The following RIMS1 variants were observed in gnomAD, a reference collection of about 807,000 sequenced individuals.
The protein encoded by RIMS1 is regulating synaptic membrane exocytosis 1.
Under a neutral mutation model 214.1 loss-of-function variants are expected in RIMS1, and 83 were observed. The ratio of observed to expected loss-of-function variants is 0.39; its 90% CI spans 0.32 to 0.47. The LOEUF (loss-of-function observed/expected upper bound fraction) is 0.47. Ranked by LOEUF, RIMS1 falls within the 20% of genes least tolerant of loss-of-function variation. RIMS1 has a pLI of 0.99. For synonymous variants in RIMS1, 793 were observed against 786.8 expected (o/e 1.01, Z -0.13); for missense variants, 2,050 against 2,161.8 (o/e 0.95, Z 1.03).
At chr6:72,285,599 G>A (rs1311596085) in intron 24 of RIMS1, among the ~76,000 whole-genome samples, 1 of 152,138 alleles carries the variant, frequency 6.6e-6, no homozygotes, top group Non-Finnish European at 1.5e-5. Flanking sequence ...GGATACAGGG[G>A]ACTCATGAAA....
chr6:72,085,228 C>T (rs1389143387), intron 2 of RIMS1, among the ~76,000 whole-genome samples: 1 of 152,058 alleles, frequency 6.6e-6, no homozygotes. Context: ...TTTTTAGATA[C>T]AAACTGATAA....
At chr6:72,252,899 G>T in intron 16 of RIMS1, 67 bp downstream of exon 16, 3 of 1,206,910 alleles carry the variant, frequency 2.5e-6, no homozygotes, top group Non-Finnish European at 3.6e-6. Flanking sequence ...GTCAGCTTCC[G>T]GACCTCTTTA....
intron 6 of RIMS1, among the ~76,000 whole-genome samples, chr6:72,184,559 GT>G (rs1562522840): frequency 1.3e-5 from 2 of 152,182 alleles, no homozygotes; most frequent in African/African-American, 2.4e-5. Flanking sequence ...CAGAAGGATA[GT>G]CAAGGACCTA....
intron 4 of RIMS1, among the ~76,000 whole-genome samples, chr6:72,147,328 G>A (rs1430208977): frequency 1.3e-5 from 2 of 152,136 alleles, no homozygotes; most frequent in African/African-American, 4.8e-5. Context: ...GTAGTTGTAA[G>A]ATTTTTCATT....
chr6:72,088,065 A>G (rs1835127684), intron 2 of RIMS1, among the ~76,000 whole-genome samples: 1 of 152,126 alleles, frequency 6.6e-6, no homozygotes, highest in African/African-American at 2.4e-5. Flanking sequence ...TTCATCTTCA[A>G]CATCATCTCA....
chr6:72,161,753 C>T (rs929840171), intron 4 of RIMS1, among the ~76,000 whole-genome samples: 20 of 140,744 alleles, frequency 1.4e-4, no homozygotes, highest in African/African-American at 4.4e-4. Context: ...GTCTGAGAGA[C>T]AGTTTGTTGT....
At chr6:72,360,438 G>A (rs2097778583) in intron 29 of RIMS1, among the ~76,000 whole-genome samples, 1 of 152,032 alleles carries the variant, frequency 6.6e-6, no homozygotes, top group Admixed American at 6.6e-5. Context: ...ATCTGTATTT[G>A]TGAGAAAATG....
At chr6:72,036,309 A>C (rs1022749484) in intron 2 of RIMS1, among the ~76,000 whole-genome samples, 2 of 152,054 alleles carry the variant, frequency 1.3e-5, no homozygotes, top group Non-Finnish European at 2.9e-5. Context: ...GAAAGGCAAG[A>C]CTCTCCTGGT....
chr6:72,163,942 C>T (rs2045870025), intron 4 of RIMS1, among the ~76,000 whole-genome samples: 1 of 152,152 alleles, frequency 6.6e-6, no homozygotes, highest in South Asian at 2.1e-4. Flanking sequence ...ATTTAAGTCT[C>T]CAGAGGTTTC....
chr6:72,335,813 CT>C (rs1196732061), intron 29 of RIMS1, among the ~76,000 whole-genome samples: 1 of 151,942 alleles, frequency 6.6e-6, no homozygotes, highest in East Asian at 1.9e-4. Flanking sequence ...TTGCATTTCT[CT>C]AATGACCAGT....
At chr6:72,114,689 T>C (rs9350452) in intron 4 of RIMS1, among the ~76,000 whole-genome samples, 60,423 of 151,616 alleles carry the variant, frequency 0.4, 12,460 homozygotes, top group Admixed American at 0.45. Flanking sequence ...GAATGAATGG[T>C]ACTTCTCTGT....
intron 4 of RIMS1, among the ~76,000 whole-genome samples, chr6:72,100,701 T>C (rs1328288222): frequency 1.2e-5 from 1 of 81,194 alleles, no homozygotes; most frequent in Admixed American, 1.3e-4. Flanking sequence ...TACACCTTCA[T>C]TTGGTGTAAA....
chr6:72,326,470 T>C (rs1359889411), intron 28 of RIMS1, among the ~76,000 whole-genome samples: 1 of 151,834 alleles, frequency 6.6e-6, no homozygotes, highest in Non-Finnish European at 1.5e-5. Context: ...AAGCTTCTGA[T>C]GCTTTAATGT....
chr6:72,223,946 TCAAA>T (rs1562743368), intron 6 of RIMS1, among the ~76,000 whole-genome samples: 3 of 35,758 alleles, frequency 8.4e-5, no homozygotes, highest in Non-Finnish European at 4.6e-5. Flanking sequence ...AGACTCCGTC[TCAAA>T]AAAAAAAAAA....
chr6:72,005,851 A>T (rs1229706152), intron 2 of RIMS1, among the ~76,000 whole-genome samples: 1 of 152,224 alleles, frequency 6.6e-6, no homozygotes, highest in African/African-American at 2.4e-5. Flanking sequence ...AGTAAATGAG[A>T]TATTTACGAA....
Position 72,096,958 on chromosome 6 carries a change from T to C in RIMS1, c.255T>C (p.His85=), listed in dbSNP as rs375667218. The change falls in exon 3 of 34, where the codon CAT becomes CAC. Residue 85 remains histidine (H), a synonymous_variant. Coordinates refer to ENST00000521978, the MANE Select transcript of RIMS1 (RefSeq NM_014989.7). ...NQPHQPSPRL[H]QQFESYKEQV... is the part of the protein sequence containing the mutation. Reference sequence around the variant, plus strand: ...TTTCTCTTTTGCCTAGGAGATTGCATCAACAGTTTGAAAGCTATAAGGAAC... The same window carrying C: ...TTTCTCTTTTGCCTAGGAGATTGCACCAACAGTTTGAAAGCTATAAGGAAC... 7.6e-5 allele frequency: 122 copies of C among 1,613,256 alleles called. 1 individual carries two copies. In the African/African-American group the frequency reaches 1.5e-3, roughly 19 times the overall value.
intron 1 of RIMS1, among the ~76,000 whole-genome samples, chr6:71,921,456 A>C (rs1447099909): frequency 6.6e-6 from 1 of 152,192 alleles, no homozygotes; most frequent in Non-Finnish European, 1.5e-5. Context: ...AGGGAAGCTA[A>C]AGTTCCAAAC....
intron 2 of RIMS1, among the ~76,000 whole-genome samples, chr6:72,074,283 T>C (rs1200557808): frequency 6.6e-6 from 1 of 152,224 alleles, no homozygotes; most frequent in Non-Finnish European, 1.5e-5. Context: ...GTATTCATAG[T>C]TATTTTTTGT....
intron 29 of RIMS1, among the ~76,000 whole-genome samples, chr6:72,389,410 T>C (rs916918145): frequency 1.3e-5 from 2 of 152,170 alleles, no homozygotes; most frequent in Non-Finnish European, 2.9e-5. Context: ...TTAATGAACA[T>C]ACTAAATGTG....
Sources: gnomAD v4.1 joint callset for allele counts (sites outside exome capture counted in the v4.1 genomes callset) on GRCh38, gnomAD v4.1.1 for gene constraint, MANE v1.5 for transcripts, NCBI Gene and HGNC (gene_info 2026-07-23, HGNC 2026-07-21) for gene names.